Variants in NFIC observed in about 807,000 individuals in gnomAD.
NFIC encodes the protein nuclear factor 1 C-type.
A neutral mutation model predicts 54.4 loss-of-function variants in NFIC; 12 were observed. That is an observed-to-expected ratio of 0.22 (90% CI 0.14 to 0.36). The LOEUF is 0.36. Among genes scored for constraint, NFIC ranks in the 10% least tolerant of loss-of-function variants. NFIC has a pLI of 1.00. For synonymous variants in NFIC, 322 were observed against 319.2 expected (o/e 1.01, Z -0.09); for missense variants, 575 against 718.2 (o/e 0.80, Z 2.28).
At chr19:3,432,574 A>G (rs570723222) in intron 3 of NFIC, among the ~76,000 whole-genome samples, 1 of 152,112 alleles carries the variant, frequency 6.6e-6, no homozygotes, top group African/African-American at 2.4e-5. Flanking sequence ...GCAATTAGGG[A>G]AACTTGGAGG....
chr19:3,394,531 C>CCT (rs1555744676), intron 2 of NFIC, among the ~76,000 whole-genome samples: 2 of 48,890 alleles, frequency 4.1e-5, no homozygotes, highest in Admixed American at 4.5e-4. Flanking sequence ...CCACCCCCCA[C>CCT]CCGCTTACAC....
intron 1 of NFIC, among the ~76,000 whole-genome samples, chr19:3,368,802 A>G (rs1184567559): frequency 3.3e-5 from 5 of 152,044 alleles, no homozygotes; most frequent in Admixed American, 1.3e-4. Flanking sequence ...GGAGCCTCCC[A>G]CCCAAGTCCT....
At chr19:3,362,343 T>C (rs373780973), upstream of NFIC, among the ~76,000 whole-genome samples, 27 of 152,094 alleles carry the variant, frequency 1.8e-4, no homozygotes, top group Middle Eastern at 6.8e-3. Context: ...TGCGTTGTGC[T>C]TGTCAAGAAG....
upstream of NFIC, among the ~76,000 whole-genome samples, chr19:3,364,331 C>A (rs2080854991): frequency 6.6e-6 from 1 of 152,198 alleles, no homozygotes; most frequent in African/African-American, 2.4e-5. Context: ...GACTTGCCTA[C>A]AACCTGGAGG....
In NFIC at chr19:3,453,323, G is replaced by A. The variant is rs7254231; in HGVS notation, c.1270-440G>A. Among the ~76,000 whole-genome samples the A allele has an allele frequency of 0.03, 4,614 of 152,276 alleles. 98 individuals are homozygous for A. The highest frequency in any genetic ancestry group is 0.048 in the African/African-American group (2,000 of 41,552). On this transcript the variant is annotated intron_variant, in intron 8 of 10. Coordinates refer to ENST00000443272, the MANE Select transcript of NFIC (RefSeq NM_001245002.2). The surrounding 1 kb of genome is among the most constrained non-coding windows in gnomAD (Gnocchi z 6.7). The stretch of plus-strand genomic sequence containing the variant: ...CCAAACTCAGTTCGAGCAAGACAGC[G>A]TTTGCCAGACTCCACAGGAAGCTTT...
At chr19:3,416,498 A>G (rs1040420811) in intron 2 of NFIC, among the ~76,000 whole-genome samples, 7 of 150,936 alleles carry the variant, frequency 4.6e-5, no homozygotes, top group Admixed American at 1.3e-4. Context: ...TACTGTAACA[A>G]CATATGTCTG....
chr19:3,452,737 C>T lies in NFIC; in HGVS notation c.1269+71C>T, dbSNP rs1568196726. The T allele has an allele frequency of 1.4e-5, 21 of 1,500,414 alleles. No individual in the cohort carries two copies. Among genetic ancestry groups the T allele is most frequent in the South Asian group, 5.1e-5 (4 of 77,960 alleles). 92.9% of individuals were successfully genotyped at this position (1,500,414 alleles called of 1,614,324 possible). A position where few individuals can be genotyped will look rare whatever the true frequency, so the allele number is the denominator to read the frequency against. ...TGACCTCCCGGGGGCCACGTGCTCA[C>T]ACGAAGGCACAACCTCTGCTTAAAA... On this transcript the variant is annotated intron_variant, in intron 8 of 10. Transcript: ENST00000443272. This position sits in a 1 kb window ranked among gnomAD's most constrained non-coding sequence, Gnocchi z 5.3.
intron 2 of NFIC, among the ~76,000 whole-genome samples, chr19:3,405,211 C>A (rs1179163084): frequency 6.6e-6 from 1 of 152,224 alleles, no homozygotes; most frequent in Non-Finnish European, 1.5e-5. Context: ...AAGGACGAGG[C>A]CGGGGAGGCC....
chr19:3,426,157 A>T (rs1326608628), intron 3 of NFIC, among the ~76,000 whole-genome samples: 8 of 145,932 alleles, frequency 5.5e-5, no homozygotes, highest in African/African-American at 1.8e-4. Context: ...CTGGTCTCAA[A>T]CTCCTGACCT....
chr19:3,458,004 G>A lies in NFIC; in HGVS notation c.1509+1369G>A. 6.6e-6 allele frequency: 1 copy of A among 152,428 alleles called. No individual in the cohort carries two copies. The highest frequency in any genetic ancestry group is 1.5e-5 in the Non-Finnish European group (1 of 68,106). The allele number at this position is 152,428 out of a possible 1,614,324, so 9.4% of individuals were successfully genotyped here. A position where few individuals can be genotyped will look rare whatever the true frequency, so the allele number is the denominator to read the frequency against. On this transcript the variant is annotated intron_variant, in intron 10 of 10. Coordinates refer to ENST00000443272, the MANE Select transcript of NFIC (RefSeq NM_001245002.2). This position sits in a 1 kb window ranked among gnomAD's most constrained non-coding sequence, Gnocchi z 4.1. ...TCAGGGGCCAGGGCTCCAGCCCAGT[G>A]CTGGCTCACCCACTCTGAACCTCTG...
At chr19:3,363,263 A>ATTTTT (rs1210474799), upstream of NFIC, among the ~76,000 whole-genome samples, 1 of 60,938 alleles carries the variant, frequency 1.6e-5, no homozygotes, top group African/African-American at 7.9e-5. Flanking sequence ...ATATATATAT[A>ATTTTT]TATATATTTT....
In NFIC at chr19:3,393,065, C is replaced by T. The variant is rs544145439; in HGVS notation, c.562+10822C>T. 7.2e-5 allele frequency among the ~76,000 whole-genome samples: 11 copies of T among 152,234 alleles called. 1 individual carries two copies. The highest frequency in any genetic ancestry group is 4.1e-4 in the South Asian group (2 of 4,822). On this transcript the variant is annotated intron_variant, in intron 2 of 10. Coordinates refer to ENST00000443272, the MANE Select transcript of NFIC (RefSeq NM_001245002.2). ...AAGCAATTCTCCCGCCTCAGCCTCC[C>T]GAGTAGCTGGGATTACAGGTGCCCG...
At chr19:3,414,551 C>T (rs376888090) in intron 2 of NFIC, among the ~76,000 whole-genome samples, 1 of 151,700 alleles carries the variant, frequency 6.6e-6, no homozygotes, top group African/African-American at 2.4e-5. Flanking sequence ...GCCGAGATCA[C>T]GTCACCGCAC....
rs78795299 is a variant in NFIC, at chr19:3,387,129, C to A, written c.562+4886C>A. 2.6e-3 allele frequency among the ~76,000 whole-genome samples: 401 copies of A among 152,304 alleles called. 13 individuals carry two copies. The East Asian group carries it at 0.073, about 28-fold the overall frequency. ...TCAGGCATAGGGCCTTGGCTGGCCT[C>A]TTGGAGGGGTGCAGGGTGGATGGCG... On this transcript the variant is annotated intron_variant, in intron 2 of 10. Coordinates refer to ENST00000443272, the MANE Select transcript of NFIC (RefSeq NM_001245002.2).
In NFIC at chr19:3,366,686, C is replaced by T. The variant is rs757059229; in HGVS notation, c.30+20C>T. The stretch of plus-strand genomic sequence containing the variant: ...ACCCAGGTACGGTCCTCGCCCGGCC[C>T]CCCGCCGGCGCCCCCGCGCCCCCCG... On this transcript the variant is annotated intron_variant, in intron 1 of 10. Coordinates refer to ENST00000443272, the MANE Select transcript of NFIC (RefSeq NM_001245002.2). The T allele has an allele frequency of 3.6e-6, 5 of 1,391,222 alleles. No individual in the cohort carries two copies. Among genetic ancestry groups the T allele is most frequent in the African/African-American group, 3.0e-5 (2 of 66,514 alleles). The allele number at this position is 1,391,222 out of a possible 1,614,324, so 86.2% of individuals were successfully genotyped here. A position where few individuals can be genotyped will look rare whatever the true frequency, so the allele number is the denominator to read the frequency against.
intron 2 of NFIC, among the ~76,000 whole-genome samples, chr19:3,403,772 C>T (rs934889076): frequency 2.0e-5 from 3 of 152,184 alleles, no homozygotes; most frequent in Non-Finnish European, 4.4e-5. Context: ...GAGACGCGCC[C>T]CAAGAAATAT....
chr19:3,394,155 C>G (rs1011300055), intron 2 of NFIC, among the ~76,000 whole-genome samples: 1 of 151,866 alleles, frequency 6.6e-6, no homozygotes, highest in African/African-American at 2.4e-5. Flanking sequence ...TGGAATGATA[C>G]TATTGCAATC....
chr19:3,399,826 G>C (rs2081525769), intron 2 of NFIC, among the ~76,000 whole-genome samples: 1 of 152,026 alleles, frequency 6.6e-6, no homozygotes, highest in African/African-American at 2.4e-5. Flanking sequence ...AGCCGAGATC[G>C]TGCCACTGCA....
At chr19:3,419,556 G>A (rs947838017) in intron 2 of NFIC, among the ~76,000 whole-genome samples, 7 of 151,778 alleles carry the variant, frequency 4.6e-5, no homozygotes, top group African/African-American at 1.7e-4. Flanking sequence ...ATCACTTGAG[G>A]TCAGAAGTTT....
Sources: gnomAD v4.1 joint callset for allele counts (sites outside exome capture counted in the v4.1 genomes callset) on GRCh38, gnomAD v4.1.1 for gene constraint, Gnocchi (gnomAD v3.1) non-coding constraint, MANE v1.5 for transcripts, NCBI Gene and HGNC (gene_info 2026-07-23, HGNC 2026-07-21) for gene names.